DEPTOR: variants seen among roughly 807,000 people sequenced by gnomAD.
DEPTOR encodes DEP domain-containing mTOR-interacting protein.
A neutral mutation model predicts 41.6 loss-of-function variants in DEPTOR; 41 were observed. That is an observed-to-expected ratio of 0.98 (90% confidence interval 0.77 to 1.28). DEPTOR has a LOEUF of 1.28. Among genes scored for constraint, DEPTOR ranks in the 50% most tolerant of loss-of-function variants. The probability of loss-of-function intolerance (pLI) is 0.00; values close to 1 mark genes in which losing one functional copy is unlikely to be tolerated. For missense variants in DEPTOR, 514 were observed against 527.9 expected, an observed-to-expected ratio of 0.97 and a Z score of 0.26; for synonymous variants, 195 against 192.3, an observed-to-expected ratio of 1.01 and a Z score of -0.12.
chr8:119,940,612 GGT>G (rs1055336714), intron 3 of DEPTOR, among the ~76,000 whole-genome samples: 1 of 152,072 alleles, frequency 6.6e-6, no homozygotes, highest in Non-Finnish European at 1.5e-5. Flanking sequence ...CGAGCGTGGT[GGT>G]GGGTGCCTGT....
At chr8:119,989,415 C>A (rs1457537856) in intron 4 of DEPTOR, among the ~76,000 whole-genome samples, 1 of 152,190 alleles carries the variant, frequency 6.6e-6, no homozygotes, top group African/African-American at 2.4e-5. Context: ...AGCTTGTCTG[C>A]CTCCTCGTTT....
intron 3 of DEPTOR, among the ~76,000 whole-genome samples, chr8:119,950,682 C>T (rs909325620): frequency 2.6e-5 from 4 of 152,056 alleles, no homozygotes; most frequent in Non-Finnish European, 4.4e-5. Context: ...TTGCAATCTC[C>T]GCCTCCCGTT....
At chr8:119,973,266 G>C (rs564069955) in intron 4 of DEPTOR, among the ~76,000 whole-genome samples, 2 of 150,586 alleles carry the variant, frequency 1.3e-5, no homozygotes, top group East Asian at 3.9e-4. Context: ...ACAGGTTTTT[G>C]CTCTGTTGAC....
intron 4 of DEPTOR, among the ~76,000 whole-genome samples, chr8:119,987,991 C>G (rs1168368495): frequency 6.6e-6 from 1 of 152,178 alleles, no homozygotes; most frequent in Non-Finnish European, 1.5e-5. Flanking sequence ...GACCACTTGT[C>G]TCCCTGGCTT....
chr8:119,874,309 G>A (rs1466473050), intron 1 of DEPTOR: 4 of 326,516 alleles, frequency 1.2e-5, no homozygotes, highest in East Asian at 9.2e-5. Context: ...AGGCCTCCCG[G>A]CTGACAGCCT....
chr8:119,965,020 C>T (rs1744545970), intron 3 of DEPTOR, among the ~76,000 whole-genome samples: 1 of 151,996 alleles, frequency 6.6e-6, no homozygotes, highest in Non-Finnish European at 1.5e-5. Flanking sequence ...TTGCAGTGAG[C>T]CAAGATCACG....
chr8:120,010,443 G>A (rs926058662), intron 8 of DEPTOR, among the ~76,000 whole-genome samples: 1 of 151,662 alleles, frequency 6.6e-6, no homozygotes, highest in Admixed American at 6.6e-5. Context: ...GGTGAAACCC[G>A]GTCTCTACTA....
chr8:119,910,526 C>T (rs1241864451), intron 1 of DEPTOR, among the ~76,000 whole-genome samples: 2 of 152,004 alleles, frequency 1.3e-5, no homozygotes, highest in Non-Finnish European at 2.9e-5. Flanking sequence ...GATCTCGGCT[C>T]ACTACAACCT....
intron 8 of DEPTOR, among the ~76,000 whole-genome samples, chr8:120,032,372 A>G (rs1281951854): frequency 6.6e-6 from 1 of 151,856 alleles, no homozygotes. Flanking sequence ...GGTGCCTGAC[A>G]CCATTCCCAG....
intron 6 of DEPTOR, among the ~76,000 whole-genome samples, chr8:120,004,931 T>C (rs1336974368): frequency 1.3e-5 from 2 of 149,544 alleles, no homozygotes; most frequent in Non-Finnish European, 2.9e-5. Context: ...TAGTACTGTA[T>C]ATAAATGCCC....
intron 8 of DEPTOR, among the ~76,000 whole-genome samples, chr8:120,018,239 A>AT (rs950605229): frequency 8.6e-5 from 13 of 151,698 alleles, no homozygotes; most frequent in South Asian, 2.1e-4. Flanking sequence ...GCCTTCTGTG[A>AT]TTTTTTTTTC....
chr8:120,000,778 T>C (rs1812334450), intron 4 of DEPTOR, among the ~76,000 whole-genome samples: 1 of 151,882 alleles, frequency 6.6e-6, no homozygotes, highest in Non-Finnish European at 1.5e-5. Flanking sequence ...ATAAAAAGTT[T>C]TTAAAAATGA....
At chr8:119,892,817 C>G (rs1476996254) in intron 1 of DEPTOR, among the ~76,000 whole-genome samples, 1 of 152,038 alleles carries the variant, frequency 6.6e-6, no homozygotes, top group South Asian at 2.1e-4. Flanking sequence ...GAGTCTCGCC[C>G]TGTTGCCCAG....
At position 120,046,950 on chromosome 8, in the gene DEPTOR, A is replaced by T. The variant is rs115507584; in HGVS notation, c.1102-2626A>T. 6.1e-3 allele frequency among the ~76,000 whole-genome samples: 920 copies of T among 151,462 alleles called. 8 individuals are homozygous for T. The highest frequency in any genetic ancestry group is 0.021 in the African/African-American group (877 of 41,200). The stretch of plus-strand genomic sequence containing the variant: ...TAGAACAGGCAGGCTCTACTCAGCC[A>T]TGGCCACATGGCCATCTACACCTGG... On this transcript the variant is annotated intron_variant, in intron 8 of 8. Coordinates refer to ENST00000286234, the MANE Select transcript of DEPTOR (RefSeq NM_022783.4).
chr8:120,001,595 A>G lies in DEPTOR; in HGVS notation c.675A>G (p.Arg225=), dbSNP rs766909504. The part of the protein sequence containing the change: ...YQFRMNFRRR[R]RLMELLNEKS... ...TCAGAATGAACTTCCGGCGGAGGCG[A>G]AGACTGATGGAGCTGCTCAATGAAA... The change falls in exon 5 of 9, where the codon CGA becomes CGG. Residue 225 remains arginine, a synonymous_variant. Transcript: ENST00000286234. 6.2e-7 allele frequency: 1 copy of G among 1,613,932 alleles called. No homozygotes were observed.
intron 8 of DEPTOR, among the ~76,000 whole-genome samples, chr8:120,009,889 C>T (rs1333481562): frequency 5.3e-5 from 8 of 152,126 alleles, no homozygotes; most frequent in Non-Finnish European, 1.2e-4. Flanking sequence ...CATGTTTCCC[C>T]TCAACCAATA....
chr8:119,880,705 A>G (rs1396405233), intron 1 of DEPTOR, among the ~76,000 whole-genome samples: 1 of 152,184 alleles, frequency 6.6e-6, no homozygotes, highest in Middle Eastern at 3.2e-3. Flanking sequence ...TAAATATTAA[A>G]CTCAATCTTT....
At chr8:119,891,706 T>C (rs1827454650) in intron 1 of DEPTOR, among the ~76,000 whole-genome samples, 1 of 152,186 alleles carries the variant, frequency 6.6e-6, no homozygotes, top group Admixed American at 6.6e-5. Flanking sequence ...GAAGTGGCAA[T>C]TGGCTTACAT....
rs574758216 is a variant in DEPTOR at position 120,007,692 on chromosome 8, G to A, written c.996+817G>A. Among the ~76,000 whole-genome samples the A allele has an allele frequency of 2.0e-5, 3 of 152,270 alleles. No homozygotes were observed. In the East Asian group the frequency reaches 5.8e-4, roughly 29 times the overall value. On this transcript the variant is annotated intron_variant, in intron 7 of 8. Transcript: ENST00000286234. ...AATTCTATCCACACTCAGTCATGCT[G>A]CAAACATTTGCTGAGGGCTATTTCA...
Sources: gnomAD v4.1 joint callset for allele counts (sites outside exome capture counted in the v4.1 genomes callset) on GRCh38, gnomAD v4.1.1 for gene constraint, MANE v1.5 for transcripts, NCBI Gene and HGNC (gene_info 2026-07-23, HGNC 2026-07-21) for gene names.